PAX3: variants seen among roughly 807,000 people sequenced by gnomAD.
PAX3 encodes the protein paired box protein Pax-3.
A neutral mutation model predicts 51.6 loss-of-function variants in PAX3; 14 were observed. The observed-to-expected ratio is 0.27, with a 90% CI of 0.18 to 0.42. PAX3 has a LOEUF of 0.42. Among genes scored for constraint, PAX3 ranks in the 10% least tolerant of loss-of-function variants. PAX3 has a pLI of 1.00. For missense variants in PAX3, 540 were observed against 642.8 expected, an observed-to-expected ratio of 0.84 and a Z score of 1.73; for synonymous variants, 280 against 253.4, an observed-to-expected ratio of 1.11 and a Z score of -1.00.
intron 4 of PAX3, among the ~76,000 whole-genome samples, chr2:222,252,630 C>T (rs781145272): frequency 3.9e-5 from 6 of 152,114 alleles, no homozygotes; most frequent in Non-Finnish European, 7.4e-5. Context: ...ATCCCTCTGC[C>T]ATGTGGATGG....
chr2:222,245,060 A>C (rs1270985445), intron 4 of PAX3, among the ~76,000 whole-genome samples: 1 of 152,228 alleles, frequency 6.6e-6, no homozygotes, highest in Non-Finnish European at 1.5e-5. Flanking sequence ...AGGCACGAGA[A>C]TCACTTGAAA....
chr2:222,228,974 A>C (rs901127354), intron 5 of PAX3, among the ~76,000 whole-genome samples: 2 of 151,968 alleles, frequency 1.3e-5, no homozygotes, highest in Non-Finnish European at 2.9e-5. Context: ...AAAAAAGCAG[A>C]TCTAGTAGGT....
chr2:222,261,702 C>T (rs16863587), intron 4 of PAX3, among the ~76,000 whole-genome samples: 19,623 of 152,038 alleles, frequency 0.13, 1,472 homozygotes, highest in South Asian at 0.26. Context: ...TGAGTCAGAA[C>T]ATTGGCCTGC....
chr2:222,267,483 A>G (rs1392039966), intron 4 of PAX3, among the ~76,000 whole-genome samples: 2 of 152,218 alleles, frequency 1.3e-5, no homozygotes, highest in African/African-American at 4.8e-5. Context: ...AATTATTGCA[A>G]AAAAATCTAT....
intron 1 of PAX3, chr2:222,298,079 G>C (rs1695401012): frequency 6.2e-6 from 1 of 161,466 alleles, no homozygotes; most frequent in Non-Finnish European, 1.3e-5. Context: ...ACAATGGCGC[G>C]GCGTTAGCCA....
Position 222,273,293 on chromosome 2 carries a change from T to TA in PAX3, c.586+20873dup, listed in dbSNP as rs573703197. Among the ~76,000 whole-genome samples the TA allele has an allele frequency of 1.8e-3, 275 of 152,234 alleles. 1 individual carries two copies. Among genetic ancestry groups the TA allele is most frequent in the African/African-American group, 6.3e-3 (260 of 41,546 alleles). On this transcript the variant is annotated intron_variant, in intron 4 of 8. Transcript: ENST00000392070. ...TGGCTTCATTGTGACTCTTCTTAAC[T>TA]AAAAAAATATAACCACATGATTTTC...
chr2:222,290,817 A>G (rs962979365), intron 4 of PAX3, among the ~76,000 whole-genome samples: 4 of 151,878 alleles, frequency 2.6e-5, no homozygotes, highest in Admixed American at 2.6e-4. Flanking sequence ...ATGAAGGGGC[A>G]GTTTCTATTG....
At chr2:222,203,905 A>G (rs1691404328) in intron 7 of PAX3, among the ~76,000 whole-genome samples, 1 of 152,178 alleles carries the variant, frequency 6.6e-6, no homozygotes, top group Non-Finnish European at 1.5e-5. Context: ...TGCCTTCCCC[A>G]GAAATCCTGT....
chr2:222,221,198 A>G (rs772039384), intron 6 of PAX3, 24 bp downstream of exon 6: 2 of 1,612,634 alleles, frequency 1.2e-6, no homozygotes, highest in Admixed American at 1.7e-5. Flanking sequence ...TTACTTTCTA[A>G]TCTCCTTGAC....
At chr2:222,228,540 G>A (rs1055128325) in intron 5 of PAX3, among the ~76,000 whole-genome samples, 2 of 152,068 alleles carry the variant, frequency 1.3e-5, no homozygotes, top group East Asian at 1.9e-4. Flanking sequence ...GAACAACACC[G>A]AACACTCCTC....
chr2:222,201,932 T>A lies in PAX3; in HGVS notation c.1420+12A>T. Reference sequence around the variant, plus strand: ...CCAGGAGAAATTGCCCCCTAAAAAGTCCAAGGCTTACTTTGTCCATACTGC... The same window carrying A: ...CCAGGAGAAATTGCCCCCTAAAAAGACCAAGGCTTACTTTGTCCATACTGC... On this transcript the variant is annotated intron_variant, in intron 8 of 8. Transcript: ENST00000392070. 1 of 1,614,002 alleles carries A rather than the reference T, an allele frequency of 6.2e-7. No homozygotes were observed. Among genetic ancestry groups the A allele is most frequent in the Non-Finnish European group, 8.5e-7 (1 of 1,179,990 alleles).
Position 222,298,663 on chromosome 2 carries a change from G to A in PAX3, c.-48C>T, listed in dbSNP as rs772893259. The A allele has an allele frequency of 5.3e-6, 8 of 1,523,480 alleles. No individual in the cohort carries two copies. Among genetic ancestry groups the A allele is most frequent in the Middle Eastern group, 1.7e-4 (1 of 5,930 alleles). The allele number at this position is 1,523,480 out of a possible 1,614,324, so 94.4% of individuals were successfully genotyped here. On this transcript the variant is annotated 5_prime_UTR_variant, in exon 1 of 9. Transcript: ENST00000392070. ...AATTATATCCAGGTGAAGGCGAAAC[G>A]GAAAGGCGAGTGCGGCGCGGATGAC... is the stretch of plus-strand genomic sequence containing the variant.
In PAX3 at chr2:222,298,721, T is replaced by G; in HGVS notation, c.-106A>C. On this transcript the variant is annotated 5_prime_UTR_variant, in exon 1 of 9. Coordinates refer to ENST00000392070, the MANE Select transcript of PAX3 (RefSeq NM_181458.4). ...AACTATCCGGAGCGTGGAGAGCCCC[T>G]CCCCAAAACGGCTGGAGAGAGAGGG... 1 of 1,110,324 alleles carries G rather than the reference T, an allele frequency of 9.0e-7. No homozygotes were observed. The allele number at this position is 1,110,324 out of a possible 1,614,324, so 68.8% of individuals were successfully genotyped here. A position where few individuals can be genotyped will look rare whatever the true frequency, so the allele number is the denominator to read the frequency against.
intron 2 of PAX3, 68 bp downstream of exon 2, chr2:222,296,910 C>T: frequency 7.5e-7 from 1 of 1,340,102 alleles, no homozygotes. Context: ...CCGTTACCCC[C>T]CGCCCGGTCT....
intron 5 of PAX3, among the ~76,000 whole-genome samples, chr2:222,225,209 G>C (rs560745076): frequency 6.6e-6 from 1 of 152,104 alleles, no homozygotes; most frequent in Non-Finnish European, 1.5e-5. Flanking sequence ...TATTTCATTT[G>C]ATAAACTGCA....
chr2:222,252,809 C>T (rs1461579099), intron 4 of PAX3, among the ~76,000 whole-genome samples: 1 of 152,200 alleles, frequency 6.6e-6, no homozygotes, highest in East Asian at 1.9e-4. Context: ...CAAAACTGAG[C>T]TATTGCTCAG....
intron 4 of PAX3, among the ~76,000 whole-genome samples, chr2:222,240,936 C>T (rs564424423): frequency 5.9e-5 from 9 of 152,134 alleles, no homozygotes; most frequent in African/African-American, 9.7e-5. Context: ...GGAAAGTACA[C>T]AAGAAAATGT....
Position 222,226,639 on chromosome 2 carries a change from A to G in PAX3, c.793-5252T>C, listed in dbSNP as rs541082862. ...CTTCAAATCATCATGGTGCTTTTTT[A>G]GGAATTCCAAATTACTGATGCTATA... On this transcript the variant is annotated intron_variant, in intron 5 of 8. Coordinates refer to ENST00000392070, the MANE Select transcript of PAX3 (RefSeq NM_181458.4). Among the ~76,000 whole-genome samples, 282 of 151,718 alleles carry G rather than the reference A, an allele frequency of 1.9e-3. 1 individual carries two copies. Among genetic ancestry groups the G allele is most frequent in the African/African-American group, 6.5e-3 (271 of 41,432 alleles).
Position 222,220,363 on chromosome 2 carries a change from A to G in PAX3, c.959-9T>C, listed in dbSNP as rs755061925. ...GCTGGGATCTGACACAGCTGAAATG[A>G]AAAAGATTGTCAACCATCATGTTTT... On this transcript the variant is annotated splice_polypyrimidine_tract_variant and intron_variant, in intron 6 of 8. Coordinates refer to ENST00000392070, the MANE Select transcript of PAX3 (RefSeq NM_181458.4). The G allele has an allele frequency of 7.4e-6, 12 of 1,613,444 alleles. No individual in the cohort carries two copies. Among genetic ancestry groups the G allele is most frequent in the Non-Finnish European group, 8.5e-6 (10 of 1,179,420 alleles).
Sources: gnomAD v4.1 joint callset for allele counts (sites outside exome capture counted in the v4.1 genomes callset) on GRCh38, gnomAD v4.1.1 for gene constraint, MANE v1.5 for transcripts, NCBI Gene and HGNC (gene_info 2026-07-23, HGNC 2026-07-21) for gene names.